Variants in MACROD2 observed in about 807,000 individuals in gnomAD.
MACROD2 encodes ADP-ribose glycohydrolase MACROD2.
MACROD2 carries 36 observed loss-of-function variants against 70.4 expected under a neutral mutation model. That is an observed-to-expected ratio of 0.51 (90% CI 0.39 to 0.68). The LOEUF is 0.68. Among genes scored for constraint, MACROD2 ranks in the 30% least tolerant of loss-of-function variants. The pLI, the probability that MACROD2 is intolerant of heterozygous loss-of-function variation, is 0.00. For missense variants in MACROD2, 496 were observed against 538.4 expected, an observed-to-expected ratio of 0.92 and a Z score of 0.78; for synonymous variants, 172 against 178.8, an observed-to-expected ratio of 0.96 and a Z score of 0.30.
chr20:15,385,753 G>A (rs1047183208), intron 6 of MACROD2, among the ~76,000 whole-genome samples: 1 of 152,058 alleles, frequency 6.6e-6, no homozygotes, highest in Non-Finnish European at 1.5e-5. Context: ...TTAAATTTGT[G>A]TCTTGCACTA....
At chr20:14,829,525 C>G (rs193226224) in intron 5 of MACROD2, among the ~76,000 whole-genome samples, 1 of 152,146 alleles carries the variant, frequency 6.6e-6, no homozygotes, top group Admixed American at 6.5e-5. Context: ...TCACCTGAGC[C>G]AGCTGAAGTT....
At chr20:15,109,753 A>G (rs1216746829) in intron 5 of MACROD2, among the ~76,000 whole-genome samples, 2 of 152,216 alleles carry the variant, frequency 1.3e-5, no homozygotes, top group Admixed American at 6.5e-5. Flanking sequence ...GGAACTTTGC[A>G]GTTGACCTAC....
At position 14,347,162 on chromosome 20, in the gene MACROD2, TAA is replaced by T. The variant is rs1177260351; in HGVS notation, c.272-146316_272-146315del. On this transcript the variant is annotated intron_variant, in intron 3 of 17. Transcript: ENST00000684519. ...ATAGTAAGGAGAGAATCAGAGGTGC[TAA>T]GATAGCAACAGCATGTTAATTTGAG... Among the ~76,000 whole-genome samples the T allele has an allele frequency of 3.9e-5, 6 of 152,316 alleles. No individual in the cohort carries two copies. The South Asian group carries it at 1.0e-3, about 26-fold the overall frequency.
intron 8 of MACROD2, among the ~76,000 whole-genome samples, chr20:15,729,180 A>T (rs1023914222): frequency 6.6e-6 from 1 of 151,934 alleles, no homozygotes; most frequent in African/African-American, 2.4e-5. Flanking sequence ...TTTAATTTCC[A>T]TGTTGTTGTG....
chr20:14,462,577 GC>G (rs2084385328), intron 3 of MACROD2, among the ~76,000 whole-genome samples: 1 of 140,630 alleles, frequency 7.1e-6, no homozygotes. Flanking sequence ...TGTTGCCATT[GC>G]TTTTGGTGTT....
chr20:15,645,451 A>G (rs2049526599), intron 8 of MACROD2, among the ~76,000 whole-genome samples: 1 of 152,244 alleles, frequency 6.6e-6, no homozygotes, highest in Non-Finnish European at 1.5e-5. Flanking sequence ...GATGTTCCAA[A>G]GAAATGAATG....
chr20:15,916,246 C>G (rs1490840605), intron 10 of MACROD2, among the ~76,000 whole-genome samples: 3 of 152,166 alleles, frequency 2.0e-5, no homozygotes, highest in Non-Finnish European at 4.4e-5. Flanking sequence ...TGGCCAGAGA[C>G]AGCACTCCCT....
At chr20:15,852,122 G>A (rs2064306271) in intron 8 of MACROD2, among the ~76,000 whole-genome samples, 1 of 152,158 alleles carries the variant, frequency 6.6e-6, no homozygotes, top group Admixed American at 6.5e-5. Flanking sequence ...ATATGGAGCA[G>A]CTTCAAGGAC....
rs1243726567 is a variant in MACROD2 at position 15,322,469 on chromosome 20, A to T, written c.540+92408A>T. 2.8e-5 allele frequency among the ~76,000 whole-genome samples: 4 copies of T among 143,910 alleles called. 1 individual carries two copies. Among genetic ancestry groups the T allele is most frequent in the Non-Finnish European group, 6.3e-5 (4 of 63,606 alleles). The allele number at this position is 143,910 out of a possible 152,430, so 94.4% of individuals were successfully genotyped here. A position where few individuals can be genotyped will look rare whatever the true frequency, so the allele number is the denominator to read the frequency against. On this transcript the variant is annotated intron_variant, in intron 6 of 17. Coordinates refer to ENST00000684519, the MANE Select transcript of MACROD2 (RefSeq NM_001351661.2). Reference sequence around the variant, plus strand: ...TCAAAATAAGACAAAATTAATCAGAACCAGACAAACTTTAAGGGAAACCCT... The same window carrying T: ...TCAAAATAAGACAAAATTAATCAGATCCAGACAAACTTTAAGGGAAACCCT...
intron 5 of MACROD2, among the ~76,000 whole-genome samples, chr20:15,137,466 A>C (rs1019294226): frequency 6.7e-6 from 1 of 149,394 alleles, no homozygotes; most frequent in African/African-American, 2.5e-5. Context: ...AGGACAAAAA[A>C]CCAAACACCG....
chr20:14,200,539 A>C (rs1216727403), intron 3 of MACROD2, among the ~76,000 whole-genome samples: 2 of 152,198 alleles, frequency 1.3e-5, no homozygotes, highest in Non-Finnish European at 2.9e-5. Context: ...TAAACAAAAA[A>C]CAAAAAACAA....
At chr20:14,349,679 G>A (rs1204668081) in intron 3 of MACROD2, among the ~76,000 whole-genome samples, 1 of 140,652 alleles carries the variant, frequency 7.1e-6, no homozygotes, top group African/African-American at 2.7e-5. Flanking sequence ...GAATTCCATC[G>A]TTTTGATTTT....
chr20:14,490,203 T>C (rs967289534), intron 3 of MACROD2, among the ~76,000 whole-genome samples: 1 of 152,186 alleles, frequency 6.6e-6, no homozygotes, highest in Non-Finnish European at 1.5e-5. Flanking sequence ...AATTAAAAAA[T>C]TTGAAACTAG....
At chr20:14,271,116 G>A (rs1226740271) in intron 3 of MACROD2, among the ~76,000 whole-genome samples, 1 of 152,204 alleles carries the variant, frequency 6.6e-6, no homozygotes, top group Non-Finnish European at 1.5e-5. Context: ...ACATGTCCCT[G>A]TCTGACAGGT....
intron 3 of MACROD2, among the ~76,000 whole-genome samples, chr20:14,173,356 G>A (rs1405222077): frequency 2.0e-5 from 3 of 151,978 alleles, no homozygotes; most frequent in Non-Finnish European, 4.4e-5. Flanking sequence ...TAATTCGAAA[G>A]CCCTCTCTTT....
At chr20:14,358,691 C>T (rs1002524410) in intron 3 of MACROD2, among the ~76,000 whole-genome samples, 2 of 152,086 alleles carry the variant, frequency 1.3e-5, no homozygotes, top group Middle Eastern at 3.4e-3. Context: ...TTCTTGACCT[C>T]GTGATCCACC....
intron 3 of MACROD2, among the ~76,000 whole-genome samples, chr20:14,457,889 C>G (rs995252902): frequency 6.6e-6 from 1 of 152,028 alleles, no homozygotes; most frequent in African/African-American, 2.4e-5. Flanking sequence ...CACTTGAGGT[C>G]AGGAGTTCAA....
intron 4 of MACROD2, among the ~76,000 whole-genome samples, chr20:14,532,962 T>A (rs967643324): frequency 2.6e-5 from 4 of 152,144 alleles, no homozygotes; most frequent in African/African-American, 7.2e-5. Context: ...AAACCCAGTT[T>A]ATGGGAATCT....
At chr20:14,735,772 C>T (rs976745040) in intron 5 of MACROD2, among the ~76,000 whole-genome samples, 2 of 152,056 alleles carry the variant, frequency 1.3e-5, no homozygotes, top group African/African-American at 4.8e-5. Context: ...ATCACCTGAT[C>T]CCAGGAGGTG....
Sources: allele counts gnomAD v4.1 joint callset (sites outside exome capture counted in the v4.1 genomes callset), GRCh38; gene constraint gnomAD v4.1.1; transcripts MANE v1.5; gene names NCBI Gene and HGNC (gene_info 2026-07-23, HGNC 2026-07-21).